COMMD2: variants seen among roughly 807,000 people sequenced by gnomAD.
The protein encoded by COMMD2 is COMM domain containing 2.
Under a neutral mutation model 22.5 loss-of-function variants are expected in COMMD2, and 25 were observed. That is an observed-to-expected ratio of 1.11 (90% CI 0.81 to 1.55). COMMD2 has a LOEUF of 1.55. COMMD2 is among the 40% of genes most tolerant of loss of function. COMMD2 has a pLI of 0.00. For missense variants in COMMD2, 223 were observed against 232.9 expected (o/e 0.96, Z 0.28); for synonymous variants, 98 against 91.2 (o/e 1.07, Z -0.42).
chr3:149,742,640 T>A (rs1716266171), intron 4 of COMMD2, among the ~76,000 whole-genome samples: 1 of 151,666 alleles, frequency 6.6e-6, no homozygotes, highest in African/African-American at 2.4e-5. Flanking sequence ...AATATACAGT[T>A]TGGTGACAAA....
At chr3:149,751,646 T>C (rs1716535778) in intron 2 of COMMD2, 161 bp from the exon 3 acceptor site, 2 of 569,616 alleles carry the variant, frequency 3.5e-6, no homozygotes, top group Non-Finnish European at 5.8e-6. Context: ...GTCATTCCAC[T>C]CCCAGCCAAA....
At position 149,740,093 on chromosome 3, in the gene COMMD2, T is replaced by A. The variant is rs556724308; in HGVS notation, c.*1428A>T. The A allele has an allele frequency of 6.6e-6, 1 of 152,328 alleles. No individual in the cohort carries two copies. Among genetic ancestry groups the A allele is most frequent in the South Asian group, 2.1e-4 (1 of 4,834 alleles). The allele number at this position is 152,328 out of a possible 1,614,324, so 9.4% of individuals were successfully genotyped here. A position where few individuals can be genotyped will look rare whatever the true frequency, so the allele number is the denominator to read the frequency against. On this transcript the variant is annotated 3_prime_UTR_variant, in exon 5 of 5. Coordinates refer to ENST00000473414, the MANE Select transcript of COMMD2 (RefSeq NM_016094.4). Reference sequence around the variant, plus strand: ...TGCTTCTACAGCCCTTTCTAGATTATTCCATGAAGACTCTCAGGATAAGGT... The same window carrying A: ...TGCTTCTACAGCCCTTTCTAGATTAATCCATGAAGACTCTCAGGATAAGGT...
intron 4 of COMMD2, among the ~76,000 whole-genome samples, chr3:149,747,033 TG>T (rs999804216): frequency 1.3e-5 from 2 of 152,138 alleles, no homozygotes; most frequent in Admixed American, 1.3e-4. Flanking sequence ...GTCCCACCCT[TG>T]ACAAGAGGGA....
chr3:149,748,442 C>T (rs1361860228), intron 4 of COMMD2, among the ~76,000 whole-genome samples: 1 of 151,826 alleles, frequency 6.6e-6, no homozygotes, highest in East Asian at 1.9e-4. Flanking sequence ...TTTAGTAAAA[C>T]AAAAAACAAA....
intron 4 of COMMD2, among the ~76,000 whole-genome samples, chr3:149,742,810 T>G (rs1716269882): frequency 6.6e-6 from 1 of 151,596 alleles, no homozygotes; most frequent in Non-Finnish European, 1.5e-5. Context: ...CTACTAAAAA[T>G]ACAAAAATTA....
rs976182120 is a variant in COMMD2, at chr3:149,751,364, G to C, written c.228+39C>G. 1.9e-6 allele frequency: 3 copies of C among 1,613,608 alleles called. No individual in the cohort carries two copies. In the African/African-American group the frequency reaches 4.0e-5, roughly 22 times the overall value. ...GTAGAGTACACCAGACCGTTCTTAA[G>C]AATCCAGCCAACACAAAACAGTCCA... On this transcript the variant is annotated intron_variant, in intron 3 of 4. Coordinates refer to ENST00000473414, the MANE Select transcript of COMMD2 (RefSeq NM_016094.4).
At position 149,738,827 on chromosome 3, in the gene COMMD2, C is replaced by A. The variant is rs1278987935; in HGVS notation, c.*2694G>T. The A allele has an allele frequency of 6.6e-6, 1 of 152,084 alleles. No individual in the cohort carries two copies. Among genetic ancestry groups the A allele is most frequent in the Non-Finnish European group, 1.5e-5 (1 of 67,970 alleles). 9.4% of individuals were successfully genotyped at this position (152,084 alleles called of 1,614,324 possible). ...CAAACCATGTCAGATTCTCATTTTTCAATTCTCAAGATACAGCATCTTCTT... is the reference window on the plus strand; with the variant it reads ...CAAACCATGTCAGATTCTCATTTTTAAATTCTCAAGATACAGCATCTTCTT... On this transcript the variant is annotated 3_prime_UTR_variant, in exon 5 of 5. Coordinates refer to ENST00000473414, the MANE Select transcript of COMMD2 (RefSeq NM_016094.4).
intron 4 of COMMD2, 55 bp downstream of exon 4, chr3:149,750,623 C>G: frequency 7.6e-7 from 1 of 1,312,518 alleles, no homozygotes. Context: ...AAACAGGACA[C>G]AAACCTAAAA....
At chr3:149,751,372 C>G (rs41267879) in intron 3 of COMMD2, 31 bp downstream of exon 3, 182,807 of 1,613,132 alleles carry the variant, frequency 0.11, 18,708 homozygotes, top group African/African-American at 0.53. Context: ...AAGAATCCAG[C>G]CAACACAAAA....
intron 1 of COMMD2, 24 bp from the exon 2 acceptor site, chr3:149,752,311 T>C (rs778160708): frequency 2.5e-6 from 4 of 1,613,998 alleles, no homozygotes; most frequent in Non-Finnish European, 3.4e-6. Flanking sequence ...CAGAAGGCTG[T>C]TGAGTGCCAG....
chr3:149,746,956 G>A (rs938112511), intron 4 of COMMD2, among the ~76,000 whole-genome samples: 6 of 152,148 alleles, frequency 3.9e-5, no homozygotes, highest in African/African-American at 1.4e-4. Flanking sequence ...ATCAGATCTT[G>A]TGAGAACTCA....
At chr3:149,749,885 T>C (rs1357577331) in intron 4 of COMMD2, among the ~76,000 whole-genome samples, 1 of 152,206 alleles carries the variant, frequency 6.6e-6, no homozygotes, top group Non-Finnish European at 1.5e-5. Context: ...ATTTTATAAC[T>C]ACCTTTAATT....
intron 4 of COMMD2, among the ~76,000 whole-genome samples, chr3:149,742,612 A>T (rs889161173): frequency 4.6e-5 from 7 of 152,206 alleles, no homozygotes; most frequent in Admixed American, 2.6e-4. Flanking sequence ...AAGTCACAGA[A>T]TATGTTCAAG....
intron 4 of COMMD2, among the ~76,000 whole-genome samples, chr3:149,744,884 T>C (rs530875137): frequency 1.6e-4 from 25 of 152,322 alleles, no homozygotes; most frequent in Non-Finnish European, 1.9e-4. Flanking sequence ...GTCCTAGCAA[T>C]AGCGCAGTGA....
In COMMD2 at chr3:149,740,121, T is replaced by C. The variant is rs1179835278; in HGVS notation, c.*1400A>G. 6.6e-6 allele frequency: 1 copy of C among 152,246 alleles called. No individual in the cohort carries two copies. Among genetic ancestry groups the C allele is most frequent in the African/African-American group, 2.4e-5 (1 of 41,462 alleles). The allele number at this position is 152,246 out of a possible 1,614,324, so 9.4% of individuals were successfully genotyped here. ...CATGAAGACTCTCAGGATAAGGTCT[T>C]GGACACATAGTTAAGACTGAACCCT... On this transcript the variant is annotated 3_prime_UTR_variant, in exon 5 of 5. Coordinates refer to ENST00000473414, the MANE Select transcript of COMMD2 (RefSeq NM_016094.4).
intron 4 of COMMD2, among the ~76,000 whole-genome samples, chr3:149,742,068 A>G (rs1433226345): frequency 6.6e-6 from 1 of 152,166 alleles, no homozygotes; most frequent in Non-Finnish European, 1.5e-5. Flanking sequence ...ATAACCAAAA[A>G]AAGATTAGTA....
At position 149,751,476 on chromosome 3, in the gene COMMD2, T is replaced by C. The variant is rs768701209; in HGVS notation, c.155A>G (p.Asn52Ser). Residue 52 changes from asparagine (N) to serine (S), a missense_variant, in exon 3 of 5, where the codon AAT (asparagine) becomes AGT (serine). Physicochemically the swap from Asn to Ser is conservative, Grantham distance 46. Transcript: ENST00000473414. ...KIYEGAARKL[N>S]VSSDTVQHGV... ...ATGCTGGACAGTGTCACTACTCACA[T>C]TGAGTTTTCCTGAGAAAGAAAAGTA... The C allele has an allele frequency of 4.2e-5, 67 of 1,595,776 alleles. No homozygotes were observed. Among genetic ancestry groups the C allele is most frequent in the South Asian group, 3.3e-4 (29 of 87,728 alleles).
At chr3:149,748,243 T>C (rs1408976120) in intron 4 of COMMD2, among the ~76,000 whole-genome samples, 3 of 152,122 alleles carry the variant, frequency 2.0e-5, no homozygotes, top group Non-Finnish European at 2.9e-5. Flanking sequence ...GTGGAGCAAG[T>C]GGGTCCTCAT....
chr3:149,741,608 G>C lies in COMMD2; in HGVS notation c.513C>G (p.Thr171=), dbSNP rs768649706. 1.7e-5 allele frequency: 28 copies of C among 1,613,868 alleles called. No homozygotes were observed. Among genetic ancestry groups the C allele is most frequent in the Non-Finnish European group, 2.2e-5 (26 of 1,179,996 alleles). The change falls in exon 5 of 5, where the codon ACC becomes ACG. Residue 171 remains threonine, a synonymous_variant. Coordinates refer to ENST00000473414, the MANE Select transcript of COMMD2 (RefSeq NM_016094.4). ...NTKVLQTDPA[T]LLHLVQQLEQ... ...CCAGTTGTTGAACCAAATGGAGCAG[G>C]GTGGCTGGGTCTGTCTGCAGAACTT...
Sources: allele counts gnomAD v4.1 joint callset (sites outside exome capture counted in the v4.1 genomes callset), GRCh38; gene constraint gnomAD v4.1.1; transcripts MANE v1.5; gene names NCBI Gene and HGNC (gene_info 2026-07-23, HGNC 2026-07-21).